The following EIF4G3 variants were observed in gnomAD, a reference collection of about 807,000 sequenced individuals.
EIF4G3 encodes eIF-4-gamma 3.
In EIF4G3, 34 loss-of-function variants were observed where a neutral mutation model predicts 186.4. That is an observed-to-expected ratio of 0.18 (90% CI 0.14 to 0.24). The LOEUF (loss-of-function observed/expected upper bound fraction) is 0.24, where lower values mean the gene tolerates loss of function less well. EIF4G3 is among the 10% of genes least tolerant of loss of function. The pLI is 1.00. For synonymous variants in EIF4G3, 673 were observed against 679.5 expected (o/e 0.99, Z 0.15); for missense variants, 1,536 against 1,948.5 (o/e 0.79, Z 3.99).
intron 14 of EIF4G3, among the ~76,000 whole-genome samples, chr1:20,930,863 A>T (rs1415564807): frequency 6.6e-6 from 1 of 151,296 alleles, no homozygotes; most frequent in Non-Finnish European, 1.5e-5. Flanking sequence ...CATGAATTAC[A>T]ATTTTTTTTT....
intron 34 of EIF4G3, among the ~76,000 whole-genome samples, chr1:20,817,180 A>G (rs866179337): frequency 4.2e-5 from 6 of 141,388 alleles, no homozygotes; most frequent in African/African-American, 1.6e-4. Flanking sequence ...CCTTCCCTCC[A>G]CTATTGTCCT....
At chr1:20,833,313 A>C (rs1281928377) in intron 30 of EIF4G3, among the ~76,000 whole-genome samples, 1 of 152,038 alleles carries the variant, frequency 6.6e-6, no homozygotes, top group African/African-American at 2.4e-5. Context: ...GTTCTCCTTG[A>C]AGAGGTCCTT....
intron 14 of EIF4G3, among the ~76,000 whole-genome samples, chr1:20,928,495 C>T (rs2095084321): frequency 6.6e-6 from 1 of 150,682 alleles, no homozygotes; most frequent in Admixed American, 6.6e-5. Flanking sequence ...CTCCGCCTTC[C>T]GAGTTCAAGA....
At chr1:21,091,701 C>T (rs931640348) in intron 2 of EIF4G3, among the ~76,000 whole-genome samples, 9 of 152,050 alleles carry the variant, frequency 5.9e-5, no homozygotes, top group Non-Finnish European at 1.5e-5. Context: ...TTGAAGAGGT[C>T]CTTCATATCC....
In EIF4G3 at chr1:21,176,262, G is replaced by GGGTGAGGAGGCGGTA. The variant is rs2098104745; in HGVS notation, c.-360_-359insTACCGCCTCCTCACC. 8.1e-6 allele frequency: 3 copies of GGGTGAGGAGGCGGTA among 371,060 alleles called. No homozygotes were observed. The highest frequency in any genetic ancestry group is 4.7e-5 in the Admixed American group (1 of 21,174). 23.0% of individuals were successfully genotyped at this position (371,060 alleles called of 1,614,324 possible). A position where few individuals can be genotyped will look rare whatever the true frequency, so the allele number is the denominator to read the frequency against. Reference sequence around the variant, plus strand: ...CGCCGCCGCCGCCGCCGCCGCCGCCGCCGCTGCTGCCGCCGCCGGGTGAGG... The same window carrying GGGTGAGGAGGCGGTA: ...CGCCGCCGCCGCCGCCGCCGCCGCCGGGTGAGGAGGCGGTACCGCTGCTGCCGCCGCCGGGTGAGG... On this transcript the variant is annotated 5_prime_UTR_variant, in exon 2 of 37. Coordinates refer to ENST00000602326, the MANE Select transcript of EIF4G3 (RefSeq NM_001391906.1).
rs1264728855 is a variant in EIF4G3, at chr1:21,013,959, C to T, written c.-66-11151G>A. ...CTGAGGTGGGTGGATCACCTGAGAT[C>T]AGGAGTTCGAGACCAGCCTGGCCTA... On this transcript the variant is annotated intron_variant, in intron 4 of 36. Transcript: ENST00000602326. Among the ~76,000 whole-genome samples, 3 of 152,302 alleles carry T rather than the reference C, an allele frequency of 2.0e-5. No homozygotes were observed. In the East Asian group the frequency reaches 5.8e-4, roughly 29 times the overall value.
chr1:21,109,331 C>CA (rs1299270764), intron 2 of EIF4G3, among the ~76,000 whole-genome samples: 1 of 151,974 alleles, frequency 6.6e-6, no homozygotes, highest in Non-Finnish European at 1.5e-5. Context: ...AGATAGCTTA[C>CA]AAAAAACACA....
chr1:21,133,473 C>A (rs1232846152), intron 2 of EIF4G3, among the ~76,000 whole-genome samples: 2 of 152,184 alleles, frequency 1.3e-5, no homozygotes, highest in African/African-American at 2.4e-5. Context: ...GATCCGCCCA[C>A]CCCGGCCTCC....
chr1:21,078,706 T>G (rs1356848629), intron 3 of EIF4G3, among the ~76,000 whole-genome samples: 3 of 152,214 alleles, frequency 2.0e-5, no homozygotes, highest in African/African-American at 4.8e-5. Context: ...CACACGTGGC[T>G]GGGCATGGTG....
At chr1:21,088,262 AG>A (rs1402797006) in intron 3 of EIF4G3, among the ~76,000 whole-genome samples, 1 of 151,892 alleles carries the variant, frequency 6.6e-6, no homozygotes, top group African/African-American at 2.4e-5. Flanking sequence ...CTCTACTAAA[AG>A]AACAAAATTA....
Position 20,942,119 on chromosome 1 carries a change from G to A in EIF4G3, c.1035C>T (p.Ser345=). The A allele has an allele frequency of 6.2e-7, 1 of 1,614,102 alleles. No individual in the cohort carries two copies. The highest frequency in any genetic ancestry group is 8.5e-7 in the Non-Finnish European group (1 of 1,179,998). The part of the protein sequence containing the change: ...IAAPTSSALS[S]QPIFTTAIDD... ...CTATAGCAGTGGTGAATATTGGTTGGCTACTAAGAGCAGAAGAGGTGGGGG... is the reference window on the plus strand; with the variant it reads ...CTATAGCAGTGGTGAATATTGGTTGACTACTAAGAGCAGAAGAGGTGGGGG... The change falls in exon 14 of 37, where the codon AGC becomes AGT. Residue 345 remains serine, a synonymous_variant. Transcript: ENST00000602326.
At chr1:20,892,614 C>T (rs570023587) in intron 18 of EIF4G3, 8 of 1,518,476 alleles carry the variant, frequency 5.3e-6, no homozygotes, top group African/African-American at 2.7e-5. Flanking sequence ...AAGTGTTCAG[C>T]GCACCCCTAG....
At chr1:21,033,944 C>G (rs1453205066) in intron 4 of EIF4G3, among the ~76,000 whole-genome samples, 4 of 152,090 alleles carry the variant, frequency 2.6e-5, no homozygotes, top group Non-Finnish European at 4.4e-5. Flanking sequence ...TACAAATTAG[C>G]TGGGTGTGCT....
intron 4 of EIF4G3, among the ~76,000 whole-genome samples, chr1:21,029,470 G>A (rs149968105): frequency 5.9e-5 from 9 of 151,986 alleles, no homozygotes; most frequent in African/African-American, 1.2e-4. Flanking sequence ...TGAGTCGGGG[G>A]GGGGAAGGGA....
chr1:21,015,087 G>A (rs1201694420), intron 4 of EIF4G3, among the ~76,000 whole-genome samples: 1 of 150,052 alleles, frequency 6.7e-6, no homozygotes, highest in East Asian at 2.0e-4. Flanking sequence ...AAAAAGGAGG[G>A]GGGGAAGAAA....
At chr1:21,160,424 A>C (rs2097745947) in intron 2 of EIF4G3, among the ~76,000 whole-genome samples, 1 of 152,244 alleles carries the variant, frequency 6.6e-6, no homozygotes, top group Non-Finnish European at 1.5e-5. Context: ...TAAAATTGAG[A>C]ACCAAAGTTT....
Position 20,807,486 on chromosome 1 carries a change from A to G in EIF4G3, c.4759T>C (p.Phe1587Leu). Residue 1587 changes from phenylalanine to leucine, a missense_variant, in exon 37 of 37, where the codon TTT becomes CTT. Around this residue, in one of 11 missense-constraint regions of EIF4G3, gnomAD observed 45 missense variants for 99.1 expected, o/e 0.45. Transcript: ENST00000602326. ...TCCTCGTCATATAGACAATCAAAAAACATCCGCAGCAAATCTGCAAGGAGG... is the reference window on the plus strand; with the variant it reads ...TCCTCGTCATATAGACAATCAAAAAGCATCCGCAGCAAATCTGCAAGGAGG... ...LDQPANLLRMFFDCLYDEEVI... is the reference protein window; with the variant it reads ...LDQPANLLRMLFDCLYDEEVI... 2 of 1,589,056 alleles carry G rather than the reference A, an allele frequency of 1.3e-6. No homozygotes were observed. Among genetic ancestry groups the G allele is most frequent in the Non-Finnish European group, 1.7e-6 (2 of 1,163,318 alleles).
At chr1:20,923,809 C>CTATATATATATATATA (rs10587649) in intron 14 of EIF4G3, among the ~76,000 whole-genome samples, 7 of 143,916 alleles carry the variant, frequency 4.9e-5, no homozygotes, top group South Asian at 2.3e-4. Context: ...TTACCCATCC[C>CTATATATATATATATA]TATATATATA....
At chr1:21,134,243 T>C (rs2102551074) in intron 2 of EIF4G3, among the ~76,000 whole-genome samples, 1 of 152,296 alleles carries the variant, frequency 6.6e-6, no homozygotes, top group South Asian at 2.1e-4. Context: ...TGGAGCTAAG[T>C]TCAGAAAATA....
Sources: gnomAD v4.1 joint callset for allele counts (sites outside exome capture counted in the v4.1 genomes callset) on GRCh38, gnomAD v4.1.1 for gene constraint, gnomAD v4.1.1 regional missense constraint, MANE v1.5 for transcripts, NCBI Gene and HGNC (gene_info 2026-07-23, HGNC 2026-07-21) for gene names.